The following CNTN4 variants were observed in gnomAD, a reference collection of about 807,000 sequenced individuals.
The protein encoded by CNTN4 is contactin-4.
In CNTN4, 77 loss-of-function variants were observed where a neutral mutation model predicts 122.5. The ratio of observed to expected loss-of-function variants is 0.63; its 90% CI spans 0.52 to 0.76. CNTN4 has a LOEUF of 0.76. CNTN4 is among the 30% of genes least tolerant of loss of function. CNTN4 has a pLI of 0.00. For missense variants in CNTN4, 1,256 were observed against 1,259.1 expected (o/e 1.00, Z 0.04); for synonymous variants, 512 against 447.0 (o/e 1.15, Z -1.83).
chr3:2,360,967 T>C, intron 3 of CNTN4, among the ~76,000 whole-genome samples: 1 of 152,186 alleles, frequency 6.6e-6, no homozygotes, highest in Non-Finnish European at 1.5e-5. Context: ...TCTAGCGTAA[T>C]GAGTCAGAAT....
chr3:2,717,734 C>T (rs371216412), intron 4 of CNTN4, among the ~76,000 whole-genome samples: 4 of 152,276 alleles, frequency 2.6e-5, no homozygotes, highest in East Asian at 3.9e-4. Flanking sequence ...ATAGTATCTA[C>T]ACTATTTTAC....
intron 2 of CNTN4, among the ~76,000 whole-genome samples, chr3:2,176,922 A>G (rs908206697): frequency 1.3e-5 from 2 of 152,122 alleles, no homozygotes; most frequent in African/African-American, 4.8e-5. Context: ...AATGGAAGTC[A>G]GGAGAAAATC....
chr3:2,608,160 A>G (rs1267220282), intron 4 of CNTN4, among the ~76,000 whole-genome samples: 2 of 152,338 alleles, frequency 1.3e-5, no homozygotes, highest in East Asian at 1.9e-4. Flanking sequence ...CTTAAAGACC[A>G]CATGATCTAC....
chr3:2,434,634 A>T (rs1436089246), intron 3 of CNTN4, among the ~76,000 whole-genome samples: 2 of 152,060 alleles, frequency 1.3e-5, no homozygotes, highest in Admixed American at 1.3e-4. Context: ...GGTGTGGAAG[A>T]CTCTAAAAGG....
chr3:2,162,463 T>C (rs1030500523), intron 2 of CNTN4, among the ~76,000 whole-genome samples: 3 of 152,256 alleles, frequency 2.0e-5, no homozygotes, highest in Middle Eastern at 3.4e-3. Flanking sequence ...CAGCTACCTA[T>C]CAAATAATAT....
At chr3:2,810,588 A>G (rs1159757623) in intron 6 of CNTN4, among the ~76,000 whole-genome samples, 1 of 152,158 alleles carries the variant, frequency 6.6e-6, no homozygotes, top group Non-Finnish European at 1.5e-5. Context: ...ATCCTTCTTG[A>G]ACTTTCTCAG....
intron 4 of CNTN4, among the ~76,000 whole-genome samples, chr3:2,596,114 G>A (rs931271802): frequency 2.6e-5 from 4 of 152,120 alleles, no homozygotes. Flanking sequence ...GAATACATAT[G>A]CTTCAACATT....
intron 7 of CNTN4, among the ~76,000 whole-genome samples, chr3:2,834,095 G>A (rs9883366): frequency 0.33 from 50,813 of 151,946 alleles, 9,626 homozygotes; most frequent in African/African-American, 0.51. Flanking sequence ...GCAGTAAGCC[G>A]AGATCGCCAC....
intron 6 of CNTN4, among the ~76,000 whole-genome samples, chr3:2,770,562 T>C (rs771749568): frequency 9.2e-5 from 14 of 152,226 alleles, no homozygotes; most frequent in Admixed American, 7.9e-4. Context: ...AAATAGTGTC[T>C]CTTTTTCTAC....
chr3:2,967,327 G>C (rs1474373459), intron 13 of CNTN4, among the ~76,000 whole-genome samples: 1 of 152,102 alleles, frequency 6.6e-6, no homozygotes, highest in East Asian at 1.9e-4. Flanking sequence ...CTCAAGCACT[G>C]GTCTTAGATT....
intron 3 of CNTN4, among the ~76,000 whole-genome samples, chr3:2,510,636 A>C (rs2076859634): frequency 6.6e-6 from 1 of 152,272 alleles, no homozygotes; most frequent in East Asian, 1.9e-4. Context: ...GGTCAAATTT[A>C]CATAAACAAA....
At chr3:2,331,762 C>G (rs899394000) in intron 2 of CNTN4, among the ~76,000 whole-genome samples, 1 of 152,248 alleles carries the variant, frequency 6.6e-6, no homozygotes, top group Non-Finnish European at 1.5e-5. Context: ...GGCTCAAGAC[C>G]CCGAGTTTTG....
intron 3 of CNTN4, among the ~76,000 whole-genome samples, chr3:2,360,819 A>T (rs1416333885): frequency 6.6e-6 from 1 of 152,158 alleles, no homozygotes; most frequent in Non-Finnish European, 1.5e-5. Context: ...CCCATGACAC[A>T]TGGGGATTAT....
At chr3:2,999,747 G>A (rs74894692) in intron 14 of CNTN4, among the ~76,000 whole-genome samples, 23 of 152,244 alleles carry the variant, frequency 1.5e-4, no homozygotes, top group East Asian at 3.9e-4. Flanking sequence ...CCTAAAAGCC[G>A]TACTTCTTAA....
intron 2 of CNTN4, among the ~76,000 whole-genome samples, chr3:2,167,270 A>G (rs1240748417): frequency 1.3e-5 from 2 of 152,232 alleles, no homozygotes; most frequent in Non-Finnish European, 2.9e-5. Context: ...ATATGGTTCA[A>G]AAATGATTGC....
chr3:3,015,931 C>A (rs374921848), intron 14 of CNTN4, among the ~76,000 whole-genome samples: 171 of 152,306 alleles, frequency 1.1e-3, no homozygotes, highest in African/African-American at 3.5e-3. Flanking sequence ...GCCATTCTTA[C>A]ACATTGACTA....
rs528103213 is a variant in CNTN4, at chr3:2,979,451, C to G, written c.1359-8894C>G. Among the ~76,000 whole-genome samples, 40 of 152,298 alleles carry G rather than the reference C, an allele frequency of 2.6e-4. No individual in the cohort carries two copies. In the South Asian group the frequency reaches 3.7e-3, roughly 14 times the overall value. ...GTGACAGTAGCAGTAATTATTTTAA[C>G]TATGTTTGGGATTCTGTAATAAATT... On this transcript the variant is annotated intron_variant, in intron 13 of 24. Transcript: ENST00000418658.
chr3:2,279,440 A>G (rs1559407396), intron 2 of CNTN4, among the ~76,000 whole-genome samples: 1 of 152,220 alleles, frequency 6.6e-6, no homozygotes, highest in Non-Finnish European at 1.5e-5. Flanking sequence ...TACAGGAGAT[A>G]GAAGAACAAG....
At chr3:2,701,992 G>C (rs1029489847) in intron 4 of CNTN4, among the ~76,000 whole-genome samples, 1 of 152,152 alleles carries the variant, frequency 6.6e-6, no homozygotes, top group East Asian at 1.9e-4. Context: ...CAGATTCAGA[G>C]GAAAGAAGCC....
Sources: gnomAD v4.1 joint callset for allele counts (sites outside exome capture counted in the v4.1 genomes callset) on GRCh38, gnomAD v4.1.1 for gene constraint, MANE v1.5 for transcripts, NCBI Gene and HGNC (gene_info 2026-07-23, HGNC 2026-07-21) for gene names.